RBBP6: variants seen among roughly 807,000 people sequenced by gnomAD.
RBBP6 encodes the protein E3 ubiquitin-protein ligase RBBP6.
RBBP6 carries 25 observed loss-of-function variants against 167.7 expected under a neutral mutation model. The observed-to-expected ratio is 0.15, with a 90% CI of 0.11 to 0.21. The LOEUF (loss-of-function observed/expected upper bound fraction) is 0.21. Ranked by LOEUF, RBBP6 falls within the 10% of genes least tolerant of loss-of-function variation. The pLI, the probability that RBBP6 is intolerant of heterozygous loss-of-function variation, is 1.00. For synonymous variants in RBBP6, 789 were observed against 735.8 expected, an observed-to-expected ratio of 1.07 and a Z score of -1.17; for missense variants, 1,868 against 2,134.2, an observed-to-expected ratio of 0.88 and a Z score of 2.46.
chr16:24,556,538 G>T, intron 7 of RBBP6, 91 bp downstream of exon 7: 1 of 1,378,990 alleles, frequency 7.3e-7, no homozygotes. Flanking sequence ...TTGCTACTTG[G>T]ATTCCTTGAG....
At chr16:24,560,937 A>T (rs959566077) in intron 8 of RBBP6, among the ~76,000 whole-genome samples, 1 of 152,188 alleles carries the variant, frequency 6.6e-6, no homozygotes, top group African/African-American at 2.4e-5. Flanking sequence ...TCTTCAGTGA[A>T]GACCAAGGTC....
intron 13 of RBBP6, 59 bp downstream of exon 13, chr16:24,563,723 T>G: frequency 6.5e-7 from 1 of 1,538,840 alleles, no homozygotes; most frequent in Non-Finnish European, 8.9e-7. Context: ...TAATGGAAGG[T>G]CCAAACTAGG....
At chr16:24,561,044 GT>G (rs67308929) in intron 8 of RBBP6, among the ~76,000 whole-genome samples, 40,500 of 151,988 alleles carry the variant, frequency 0.27, 5,436 homozygotes, top group Admixed American at 0.33. Context: ...CTTAATCTTC[GT>G]ATCTGTAATT....
In RBBP6 at chr16:24,572,774, A is replaced by G. The variant is rs1899372829; in HGVS notation, c.*329A>G. ...CCTGGCAAAAGCTGATATAAGTTCT[A>G]AAATATCAGCAGAATGATTTGCTGA... On this transcript the variant is annotated 3_prime_UTR_variant, in exon 18 of 18. Transcript: ENST00000319715. The G allele has an allele frequency of 4.8e-6, 1 of 208,494 alleles. No individual in the cohort carries two copies. The highest frequency in any genetic ancestry group is 2.3e-5 in the African/African-American group (1 of 42,998). 12.9% of individuals were successfully genotyped at this position (208,494 alleles called of 1,614,324 possible).
chr16:24,541,951 C>T (rs924135897), intron 1 of RBBP6, among the ~76,000 whole-genome samples: 2 of 152,116 alleles, frequency 1.3e-5, no homozygotes, highest in Non-Finnish European at 2.9e-5. Flanking sequence ...TGTAGAAGAC[C>T]AGTTTTCCAT....
chr16:24,562,201 G>A (rs757306704), intron 10 of RBBP6, 40 bp downstream of exon 10: 1 of 1,509,930 alleles, frequency 6.6e-7, no homozygotes, highest in Non-Finnish European at 9.1e-7. Flanking sequence ...ACCAAATGAG[G>A]TCAATGATGT....
In RBBP6 at chr16:24,571,207, A is replaced by T; in HGVS notation, c.4141A>T (p.Ser1381Cys). Reference sequence around the variant, plus strand: ...AATTCAGAAATTCACCAAGGACGTGAGCCATGAAATCATACAACATGAGGT... The same window carrying T: ...AATTCAGAAATTCACCAAGGACGTGTGCCATGAAATCATACAACATGAGGT... ...EKIQKFTKDV[S>C]HEIIQHEVKS... Residue 1381 changes from serine (S) to cysteine (C), a missense_variant, in exon 18 of 18, where the codon AGC (serine) becomes TGC (cysteine). Physicochemically the swap from Ser to Cys is moderately radical, Grantham distance 112. Around this residue, in one of 7 missense-constraint regions of RBBP6, gnomAD observed 591 missense variants for 540.5 expected, o/e 1.09. Transcript: ENST00000319715. The T allele has an allele frequency of 6.2e-7, 1 of 1,614,028 alleles. No homozygotes were observed. The highest frequency in any genetic ancestry group is 8.5e-7 in the Non-Finnish European group (1 of 1,179,972).
At chr16:24,564,138 C>G (rs34782709) in intron 13 of RBBP6, among the ~76,000 whole-genome samples, 98 of 151,856 alleles carry the variant, frequency 6.5e-4, no homozygotes, top group African/African-American at 2.3e-3. Flanking sequence ...TCTTGCCACC[C>G]TAAAATACAA....
intron 13 of RBBP6, 99 bp downstream of exon 13, chr16:24,563,763 G>C (rs971108355): frequency 5.1e-5 from 53 of 1,042,404 alleles, no homozygotes; most frequent in Non-Finnish European, 6.9e-5. Flanking sequence ...TCCAAACTAG[G>C]CAGCGGGTCG....
Position 24,569,333 on chromosome 16 carries a change from A to C in RBBP6, c.2643A>C (p.Glu881Asp), listed in dbSNP as rs199939732. The C allele has an allele frequency of 1.2e-6, 2 of 1,613,694 alleles. No individual in the cohort carries two copies. Among genetic ancestry groups the C allele is most frequent in the South Asian group, 2.2e-5 (2 of 90,954 alleles). The part of the protein sequence containing the change: ...RNSPFTRGRR[E>D]DYVGGQSHRS... ...CTCCCTTCACAAGAGGCCGCAGAGA[A>C]GACTATGTTGGTGGGCAAAGTCATA... The change falls in exon 17 of 18, where the codon GAA (glutamate) becomes GAC (aspartate). Residue 881 changes from glutamate to aspartate, a missense_variant. By Grantham distance (45) the Glu-to-Asp change is conservative (BLOSUM62 2). Coordinates refer to ENST00000319715, the MANE Select transcript of RBBP6 (RefSeq NM_006910.5).
In RBBP6 at chr16:24,561,969, A is replaced by G; in HGVS notation, c.1097A>G (p.Gln366Arg). 6.2e-7 allele frequency: 1 copy of G among 1,613,572 alleles called. No individual in the cohort carries two copies. The highest frequency in any genetic ancestry group is 8.5e-7 in the Non-Finnish European group (1 of 1,179,698). The change falls in exon 10 of 18, where the codon CAA becomes CGA. Residue 366 changes from glutamine (Q) to arginine (R), a missense_variant. By Grantham distance (43) the Gln-to-Arg change is conservative. This residue lies in a region of RBBP6 where 245 missense variants were observed against 240.1 expected (regional missense o/e 1.02). Transcript: ENST00000319715. ...ATGAGATCTCCGATATCAAGACAACAAGATCCTCTTATGATTCCAGTGACA... is the reference window on the plus strand; with the variant it reads ...ATGAGATCTCCGATATCAAGACAACGAGATCCTCTTATGATTCCAGTGACA... Reference protein sequence around the residue: ...PLMRSPISRQQDPLMIPVTSS... With the variant: ...PLMRSPISRQRDPLMIPVTSS...
chr16:24,562,220 G>A, intron 10 of RBBP6, 59 bp downstream of exon 10: 1 of 1,460,508 alleles, frequency 6.8e-7, no homozygotes, highest in Non-Finnish European at 9.4e-7. Context: ...GTAGTGTTTT[G>A]TTGTTGGTTA....
chr16:24,550,577 A>C (rs1161416248), intron 3 of RBBP6, among the ~76,000 whole-genome samples: 1 of 151,754 alleles, frequency 6.6e-6, no homozygotes, highest in Non-Finnish European at 1.5e-5. Flanking sequence ...TTATTTCTTG[A>C]AAACAGTTAT....
At position 24,570,767 on chromosome 16, in the gene RBBP6, T is replaced by A. The variant is rs1165138617; in HGVS notation, c.3810-109T>A. On this transcript the variant is annotated intron_variant, in intron 17 of 17. Coordinates refer to ENST00000319715, the MANE Select transcript of RBBP6 (RefSeq NM_006910.5). ...GGCAGAATAAGTTTTTTGTTTTTTT[T>A]AATGTTAAAAGGACATTTGTGTTTA... 2.7e-5 allele frequency: 28 copies of A among 1,025,410 alleles called. 1 individual carries two copies. The highest frequency in any genetic ancestry group is 3.6e-5 in the Non-Finnish European group (27 of 758,510). 63.5% of individuals were successfully genotyped at this position (1,025,410 alleles called of 1,614,324 possible).
In RBBP6 at chr16:24,571,880, G is replaced by A; in HGVS notation, c.4814G>A (p.Gly1605Glu). The A allele has an allele frequency of 6.2e-7, 1 of 1,613,952 alleles. No homozygotes were observed. Among genetic ancestry groups the A allele is most frequent in the Non-Finnish European group, 8.5e-7 (1 of 1,179,994 alleles). ...CAGGTTGAAAAAGAGCAAATTACTG[G>A]GCAAATTGACAAGAGTACTGTCAAG... ...ETQVEKEQIT[G>E]QIDKSTVKPK... Residue 1605 changes from glycine (G) to glutamate (E), a missense_variant, in exon 18 of 18, where the codon GGG (glycine) becomes GAG (glutamate). This residue lies in a region of RBBP6 where 591 missense variants were observed against 540.5 expected (regional missense o/e 1.09). Transcript: ENST00000319715.
In RBBP6 at chr16:24,568,779, A is replaced by C; in HGVS notation, c.2089A>C (p.Arg697=). The change falls in exon 17 of 18, where the codon AGA becomes CGA. Residue 697 remains arginine, a synonymous_variant. Transcript: ENST00000319715. ...TCCCTATAGTGGTTCTTCGTATTCAAGAAGTTCATATACTTATTCTAAATC... is the reference window on the plus strand; with the variant it reads ...TCCCTATAGTGGTTCTTCGTATTCACGAAGTTCATATACTTATTCTAAATC... The part of the protein sequence containing the change: ...KSPYSGSSYS[R]SSYTYSKSRS... The C allele has an allele frequency of 2.5e-6, 4 of 1,614,116 alleles. No individual in the cohort carries two copies. The highest frequency in any genetic ancestry group is 3.4e-6 in the Non-Finnish European group (4 of 1,179,982).
Position 24,570,078 on chromosome 16 carries a change from G to A in RBBP6, c.3388G>A (p.Ala1130Thr). The stretch of plus-strand genomic sequence containing the variant: ...AAAGCTAACAACTAAGGAAGAAAAG[G>A]CCAAGAAGCCTAATGAGAAAAACAA... ...SEKLTTKEEK[A>T]KKPNEKNKPL... The change falls in exon 17 of 18, where the codon GCC becomes ACC. Residue 1130 changes from alanine (A) to threonine (T), a missense_variant. By Grantham distance (58) the Ala-to-Thr change is moderately conservative. This residue lies in a region of RBBP6 where 673 missense variants were observed against 691.5 expected (regional missense o/e 0.97). Transcript: ENST00000319715. 1 of 1,606,476 alleles carries A rather than the reference G, an allele frequency of 6.2e-7. No individual in the cohort carries two copies. The highest frequency in any genetic ancestry group is 8.5e-7 in the Non-Finnish European group (1 of 1,178,398).
At chr16:24,541,181 C>CAAAAAAAAAA (rs751954607) in intron 1 of RBBP6, among the ~76,000 whole-genome samples, 4 of 58,030 alleles carry the variant, frequency 6.9e-5, no homozygotes, top group Admixed American at 2.1e-4. Context: ...GTTCAATCAG[C>CAAAAAAAAAA]AAAAAAAAAA....
chr16:24,571,528 A>G lies in RBBP6; in HGVS notation c.4462A>G (p.Arg1488Gly), dbSNP rs1177269316. The part of the protein sequence containing the change: ...DTREYSSSKR[R>G]DEKNELTRRK... ...CAGAGAGTATTCAAGTTCCAAACGT[A>G]GAGATGAAAAGAATGAATTAACAAG... Residue 1488 changes from arginine (R) to glycine (G), a missense_variant, in exon 18 of 18, where the codon AGA (arginine) becomes GGA (glycine). By Grantham distance (125) the Arg-to-Gly change is moderately radical (BLOSUM62 -2). This residue lies in a region of RBBP6 where 591 missense variants were observed against 540.5 expected (regional missense o/e 1.09). Coordinates refer to ENST00000319715, the MANE Select transcript of RBBP6 (RefSeq NM_006910.5). 2 of 1,613,630 alleles carry G rather than the reference A, an allele frequency of 1.2e-6. No homozygotes were observed. The highest frequency in any genetic ancestry group is 1.7e-6 in the Non-Finnish European group (2 of 1,179,898).
Sources: allele counts gnomAD v4.1 joint callset (sites outside exome capture counted in the v4.1 genomes callset), GRCh38; gene constraint gnomAD v4.1.1; regional missense constraint gnomAD v4.1.1; transcripts MANE v1.5; gene names NCBI Gene and HGNC (gene_info 2026-07-23, HGNC 2026-07-21).